The following BMPR1A variants were observed in gnomAD, a reference collection of about 807,000 sequenced individuals.
BMPR1A encodes the protein bone morphogenetic protein receptor type-1A.
BMPR1A carries 7 observed loss-of-function variants against 66.0 expected under a neutral mutation model. That is an observed-to-expected ratio of 0.11 (90% CI 0.06 to 0.20). The LOEUF (loss-of-function observed/expected upper bound fraction) is 0.20. Among genes scored for constraint, BMPR1A ranks in the 10% least tolerant of loss-of-function variants. BMPR1A has a pLI of 1.00. For synonymous variants in BMPR1A, 200 were observed against 229.7 expected (o/e 0.87, Z 1.17); for missense variants, 408 against 669.1 (o/e 0.61, Z 4.31).
intron 2 of BMPR1A, among the ~76,000 whole-genome samples, chr10:86,846,698 C>G (rs947830393): frequency 6.6e-6 from 1 of 151,898 alleles, no homozygotes; most frequent in Non-Finnish European, 1.5e-5. Context: ...AAGACTCTGT[C>G]CCCCGCCGCC....
chr10:86,835,745 G>A (rs1240965163), intron 1 of BMPR1A, among the ~76,000 whole-genome samples: 2 of 151,904 alleles, frequency 1.3e-5, no homozygotes, highest in Admixed American at 1.3e-4. Context: ...TTCTGCATGG[G>A]TAGTGAGCTT....
intron 1 of BMPR1A, among the ~76,000 whole-genome samples, chr10:86,828,166 A>G (rs576689696): frequency 6.6e-6 from 1 of 152,284 alleles, no homozygotes; most frequent in South Asian, 2.1e-4. Flanking sequence ...AAAAAATTGC[A>G]GTATCATGGT....
chr10:86,840,255 C>CT (rs1842407453), intron 2 of BMPR1A, among the ~76,000 whole-genome samples: 1 of 152,206 alleles, frequency 6.6e-6, no homozygotes, highest in Admixed American at 6.5e-5. Flanking sequence ...ACTGTTAATA[C>CT]TTGCAGCATT....
intron 11 of BMPR1A, among the ~76,000 whole-genome samples, chr10:86,922,523 G>A (rs553349159): frequency 3.9e-5 from 6 of 152,194 alleles, no homozygotes; most frequent in Non-Finnish European, 7.3e-5. Flanking sequence ...CACAGGACTC[G>A]GCATGTGGTT....
intron 2 of BMPR1A, among the ~76,000 whole-genome samples, chr10:86,851,783 A>G (rs942210859): frequency 6.6e-6 from 1 of 152,206 alleles, no homozygotes; most frequent in Admixed American, 6.5e-5. Flanking sequence ...GAGTTGGAGC[A>G]TCGTAAGGGT....
rs1554890819 is a variant in BMPR1A at position 86,917,333 on chromosome 10, A to G, written c.868+7A>G. On this transcript the variant is annotated splice_region_variant and intron_variant, in intron 9 of 12. Transcript: ENST00000372037. The stretch of plus-strand genomic sequence containing the variant: ...CGCCATGAAAACATACTTGGTGGGT[A>G]CACACTGATTCAGTCAATTTCATTT... 2.5e-6 allele frequency: 4 copies of G among 1,614,148 alleles called. No homozygotes were observed. The highest frequency in any genetic ancestry group is 3.4e-6 in the Non-Finnish European group (4 of 1,179,996).
At chr10:86,913,800 A>G (rs1843524598) in intron 8 of BMPR1A, among the ~76,000 whole-genome samples, 1 of 152,234 alleles carries the variant, frequency 6.6e-6, no homozygotes, top group East Asian at 1.9e-4. Flanking sequence ...AGATGTTTAT[A>G]AATCTGAGGA....
At chr10:86,904,721 C>T (rs1843360641) in intron 7 of BMPR1A, among the ~76,000 whole-genome samples, 1 of 152,124 alleles carries the variant, frequency 6.6e-6, no homozygotes, top group Non-Finnish European at 1.5e-5. Context: ...TTAAGATGAA[C>T]AAAAAAGACT....
At chr10:86,761,982 A>G (rs1268464554) in intron 1 of BMPR1A, among the ~76,000 whole-genome samples, 2 of 152,184 alleles carry the variant, frequency 1.3e-5, no homozygotes, top group African/African-American at 2.4e-5. Flanking sequence ...TGCTGGAGGT[A>G]GGCATTTGGG....
At chr10:86,756,294 C>CTGTGGGGCTGGCT (rs1275107326), upstream of BMPR1A, 1 of 152,166 alleles carries the variant, frequency 6.6e-6, no homozygotes, top group Non-Finnish European at 1.5e-5. Flanking sequence ...CGGGCGGCAG[C>CTGTGGGGCTGGCT]TGTGGGGCTG....
rs762731644 is a variant in BMPR1A at position 86,921,674 on chromosome 10, G to T, written c.1321G>T (p.Ala441Ser). Residue 441 changes from alanine (A) to serine (S), a missense_variant, in exon 11 of 13, where the codon GCT (alanine) becomes TCT (serine). This residue lies in a region of BMPR1A where 130 missense variants were observed against 257.3 expected (regional missense o/e 0.51). Transcript: ENST00000372037. ...YSFGLIIWEMARRCITGGIVE... is the reference protein window; with the variant it reads ...YSFGLIIWEMSRRCITGGIVE... ...CTTCGGCCTAATCATTTGGGAGATG[G>T]CTCGTCGTTGTATCACAGGAGGTGG... The T allele has an allele frequency of 6.2e-7, 1 of 1,614,212 alleles. No individual in the cohort carries two copies. Among genetic ancestry groups the T allele is most frequent in the Non-Finnish European group, 8.5e-7 (1 of 1,180,032 alleles).
chr10:86,902,483 G>A lies in BMPR1A; in HGVS notation c.530+2357G>A, dbSNP rs528378404. Among the ~76,000 whole-genome samples the A allele has an allele frequency of 8.9e-4, 136 of 152,160 alleles. 1 individual carries two copies. Among genetic ancestry groups the A allele is most frequent in the Middle Eastern group, 6.8e-3 (2 of 294 alleles). On this transcript the variant is annotated intron_variant, in intron 7 of 12. Transcript: ENST00000372037. ...CATAGTAAAGAACCCTATCAGCCAG[G>A]TGTGTGCTCTCTAAGCAATGGGTAG...
chr10:86,811,769 A>G (rs1225859328), intron 1 of BMPR1A, among the ~76,000 whole-genome samples: 1 of 152,238 alleles, frequency 6.6e-6, no homozygotes, highest in African/African-American at 2.4e-5. Context: ...TTGCAAATGT[A>G]TGATAGTCTA....
intron 1 of BMPR1A, among the ~76,000 whole-genome samples, chr10:86,829,208 AT>A (rs1478866826): frequency 6.6e-6 from 1 of 152,190 alleles, no homozygotes; most frequent in Non-Finnish European, 1.5e-5. Flanking sequence ...TCTCCAAAAA[AT>A]AAACTTGTAT....
At chr10:86,853,437 A>G (rs1311392028) in intron 2 of BMPR1A, among the ~76,000 whole-genome samples, 2 of 152,254 alleles carry the variant, frequency 1.3e-5, no homozygotes, top group Admixed American at 6.5e-5. Flanking sequence ...GCAAATTTCA[A>G]CTTATCTGTA....
At chr10:86,859,400 C>G (rs141634599) in intron 2 of BMPR1A, among the ~76,000 whole-genome samples, 5,104 of 152,014 alleles carry the variant, frequency 0.034, 193 homozygotes, top group African/African-American at 0.092. Context: ...AACTCCTGGG[C>G]TCAAGTGATC....
chr10:86,831,601 A>G (rs537082862), intron 1 of BMPR1A, among the ~76,000 whole-genome samples: 2 of 145,354 alleles, frequency 1.4e-5, no homozygotes, highest in South Asian at 2.1e-4. Flanking sequence ...ACAAACGAAC[A>G]AACAAACAAA....
At chr10:86,881,332 A>G (rs1312285533) in intron 3 of BMPR1A, among the ~76,000 whole-genome samples, 1 of 152,212 alleles carries the variant, frequency 6.6e-6, no homozygotes, top group Non-Finnish European at 1.5e-5. Context: ...GAGAAATCAA[A>G]CATTAATCTT....
At chr10:86,790,026 G>A (rs1366866375) in intron 1 of BMPR1A, among the ~76,000 whole-genome samples, 2 of 149,600 alleles carry the variant, frequency 1.3e-5, no homozygotes, top group Non-Finnish European at 3.0e-5. Context: ...CGTGGTGGCA[G>A]GTTCCTGTAG....
Sources: allele counts gnomAD v4.1 joint callset (sites outside exome capture counted in the v4.1 genomes callset), GRCh38; gene constraint gnomAD v4.1.1; regional missense constraint gnomAD v4.1.1; transcripts MANE v1.5; gene names NCBI Gene and HGNC (gene_info 2026-07-23, HGNC 2026-07-21).